JMY: variants seen among roughly 807,000 people sequenced by gnomAD.
JMY encodes junction mediating and regulatory protein, p53 cofactor, also known as junction-mediating and -regulatory protein.
In JMY, 46 loss-of-function variants were observed where a neutral mutation model predicts 103.3. That is an observed-to-expected ratio of 0.45 (90% CI 0.35 to 0.57). The LOEUF is 0.57. Among genes scored for constraint, JMY ranks in the 20% least tolerant of loss-of-function variants. JMY has a pLI of 0.00. For synonymous variants in JMY, 526 were observed against 489.3 expected (o/e 1.07, Z -0.99); for missense variants, 1,238 against 1,255.2 (o/e 0.99, Z 0.21).
intron 2 of JMY, among the ~76,000 whole-genome samples, chr5:79,283,656 G>A (rs1278834081): frequency 3.9e-5 from 6 of 152,176 alleles, no homozygotes. Flanking sequence ...AGTAGTATCA[G>A]TATAACCTGG....
intron 10 of JMY, among the ~76,000 whole-genome samples, chr5:79,316,898 TAAAAAAAA>T (rs34558016): frequency 1.2e-5 from 1 of 83,620 alleles, no homozygotes; most frequent in Non-Finnish European, 2.2e-5. Flanking sequence ...GACTCAGTCT[TAAAAAAAA>T]AAAAAAAAAA....
chr5:79,259,163 C>T (rs370983897), intron 1 of JMY, among the ~76,000 whole-genome samples: 1 of 152,126 alleles, frequency 6.6e-6, no homozygotes, highest in Non-Finnish European at 1.5e-5. Flanking sequence ...TAGCTTTTCT[C>T]TGCTGGGCAG....
intron 7 of JMY, among the ~76,000 whole-genome samples, chr5:79,311,998 G>A (rs1747061746): frequency 6.6e-6 from 1 of 151,980 alleles, no homozygotes. Flanking sequence ...TGTATTTTGG[G>A]TAGAGATAGG....
intron 4 of JMY, among the ~76,000 whole-genome samples, chr5:79,298,088 G>A (rs1362773960): frequency 3.3e-5 from 5 of 152,180 alleles, no homozygotes; most frequent in Admixed American, 6.5e-5. Flanking sequence ...TTGGGCAGGA[G>A]AGAGAAACTT....
chr5:79,261,024 A>G (rs1413194393), intron 1 of JMY, among the ~76,000 whole-genome samples: 1 of 152,070 alleles, frequency 6.6e-6, no homozygotes, highest in Non-Finnish European at 1.5e-5. Context: ...TAAAGATATT[A>G]CTTATAGATT....
chr5:79,278,430 A>G (rs1467689735), intron 2 of JMY, among the ~76,000 whole-genome samples: 5 of 151,382 alleles, frequency 3.3e-5, no homozygotes, highest in Non-Finnish European at 7.4e-5. Flanking sequence ...TGTTTTGGAG[A>G]CTGTGTACTC....
chr5:79,318,235 G>A lies in JMY; in HGVS notation c.*3+1925G>A, dbSNP rs910184792. On this transcript the variant is annotated intron_variant, in intron 10 of 10. Transcript: ENST00000396137. ...TCACCATCTTGGCCAGGCTGGTCTC[G>A]AACTCCTGACCTCAAATGATCTACC... 2.0e-5 allele frequency among the ~76,000 whole-genome samples: 3 copies of A among 149,888 alleles called. No individual in the cohort carries two copies. In the East Asian group the frequency reaches 5.9e-4, roughly 29 times the overall value.
chr5:79,277,858 T>C (rs1745986212), intron 1 of JMY, 52 bp from the exon 2 acceptor site: 1 of 1,541,008 alleles, frequency 6.5e-7, no homozygotes, highest in African/African-American at 1.4e-5. Flanking sequence ...AGCAAGTATT[T>C]ATAGGTTATT....
chr5:79,317,219 C>A (rs1014985581), intron 10 of JMY, among the ~76,000 whole-genome samples: 2 of 151,866 alleles, frequency 1.3e-5, no homozygotes, highest in Non-Finnish European at 2.9e-5. Flanking sequence ...ACTTTCTAAA[C>A]CCTTAAAAAA....
chr5:79,238,648 CTTTTTTT>C (rs1055172051), intron 1 of JMY, among the ~76,000 whole-genome samples: 5 of 120,688 alleles, frequency 4.1e-5, no homozygotes, highest in Non-Finnish European at 8.5e-5. Context: ...TCCGCGCCTT[CTTTTTTT>C]TTTTTTTTTT....
At chr5:79,259,290 T>C (rs1745346660) in intron 1 of JMY, among the ~76,000 whole-genome samples, 1 of 152,194 alleles carries the variant, frequency 6.6e-6, no homozygotes, top group Non-Finnish European at 1.5e-5. Context: ...GCAGCTTCTC[T>C]CTGCAGCTGC....
At chr5:79,275,360 A>G (rs953577809) in intron 1 of JMY, among the ~76,000 whole-genome samples, 3 of 151,926 alleles carry the variant, frequency 2.0e-5, no homozygotes, top group Non-Finnish European at 4.4e-5. Flanking sequence ...ACGGGGTTTC[A>G]CCATGTTAGC....
intron 7 of JMY, 93 bp from the exon 8 acceptor site, chr5:79,312,310 T>C (rs1420914334): frequency 1.5e-6 from 1 of 670,160 alleles, no homozygotes; most frequent in Non-Finnish European, 2.3e-6. Flanking sequence ...ATCATCCCCT[T>C]TGGCCCACAT....
At chr5:79,242,612 A>G (rs755276847) in intron 1 of JMY, among the ~76,000 whole-genome samples, 20 of 152,192 alleles carry the variant, frequency 1.3e-4, no homozygotes, top group Non-Finnish European at 2.4e-4. Context: ...GCTCCGATGA[A>G]AGCCTAGATT....
chr5:79,281,982 G>A (rs1365621037), intron 2 of JMY, among the ~76,000 whole-genome samples: 1 of 152,078 alleles, frequency 6.6e-6, no homozygotes, highest in Non-Finnish European at 1.5e-5. Context: ...GAGGCGGGCG[G>A]ATCACAAGGT....
At chr5:79,238,262 G>A (rs191676098) in intron 1 of JMY, among the ~76,000 whole-genome samples, 2 of 151,628 alleles carry the variant, frequency 1.3e-5, no homozygotes, top group South Asian at 2.1e-4. Flanking sequence ...TTTTTTTTTG[G>A]ACTACCTCAG....
chr5:79,267,222 G>A (rs1011781560), intron 1 of JMY, among the ~76,000 whole-genome samples: 2 of 152,050 alleles, frequency 1.3e-5, no homozygotes, highest in African/African-American at 4.8e-5. Context: ...TACAGTTCTG[G>A]GTTTGTTTTC....
intron 7 of JMY, among the ~76,000 whole-genome samples, chr5:79,307,683 C>T (rs1394981620): frequency 6.6e-6 from 1 of 152,138 alleles, no homozygotes; most frequent in East Asian, 1.9e-4. Context: ...CGAAAGAGCG[C>T]ATCTGTCCAA....
At chr5:79,290,703 G>A (rs1043796942) in intron 3 of JMY, among the ~76,000 whole-genome samples, 2 of 152,112 alleles carry the variant, frequency 1.3e-5, no homozygotes, top group Non-Finnish European at 2.9e-5. Context: ...TTTTAGAAAT[G>A]TCGGCCGGGC....
Sources: allele counts gnomAD v4.1 joint callset (sites outside exome capture counted in the v4.1 genomes callset), GRCh38; gene constraint gnomAD v4.1.1; transcripts MANE v1.5; gene names NCBI Gene and HGNC (gene_info 2026-07-23, HGNC 2026-07-21).